Variants in MRTFB observed in about 807,000 individuals in gnomAD.
MRTFB encodes myocardin-related transcription factor B.
MRTFB carries 29 observed loss-of-function variants against 104.2 expected under a neutral mutation model. The observed-to-expected ratio is 0.28, with a 90% CI of 0.21 to 0.38. The LOEUF is 0.38. MRTFB is among the 10% of genes least tolerant of loss of function. The pLI, the probability that MRTFB is intolerant of heterozygous loss-of-function variation, is 1.00. For synonymous variants in MRTFB, 535 were observed against 519.5 expected (o/e 1.03, Z -0.41); for missense variants, 1,270 against 1,341.6 (o/e 0.95, Z 0.83).
chr16:14,261,433 C>T lies in MRTFB; in HGVS notation c.3289C>T (p.Pro1097Ser), dbSNP rs776764639. The T allele has an allele frequency of 6.3e-7, 1 of 1,598,276 alleles. No individual in the cohort carries two copies. Among genetic ancestry groups the T allele is most frequent in the African/African-American group, 1.3e-5 (1 of 74,600 alleles). The change falls in exon 17 of 17, where the codon CCA becomes TCA. Residue 1097 changes from proline to serine, a missense_variant. Physicochemically the swap from Pro to Ser is moderately conservative, Grantham distance 74 (BLOSUM62 -1). Coordinates refer to ENST00000571589, the MANE Select transcript of MRTFB (RefSeq NM_001308142.2). ...DFLDPQDLPL[P>S]WD Reference sequence around the variant, plus strand: ...TCTAGACCCACAGGACCTACCGCTGCCATGGGACTAACGTCACAGATTTCT... The same window carrying T: ...TCTAGACCCACAGGACCTACCGCTGTCATGGGACTAACGTCACAGATTTCT...
intron 2 of MRTFB, among the ~76,000 whole-genome samples, chr16:14,093,642 G>A (rs553624375): frequency 1.3e-5 from 2 of 152,208 alleles, no homozygotes; most frequent in Non-Finnish European, 2.9e-5. Context: ...TGTTCTTTCA[G>A]ATAAAGTTTG....
At chr16:13,997,057 T>C in the MRTFB span, among the ~76,000 whole-genome samples, 1 of 152,100 alleles carries the variant, frequency 6.6e-6, no homozygotes. Flanking sequence ...TCTACCTCAT[T>C]TGGGTAAAGG....
intron 3 of MRTFB, chr16:14,151,027 C>T (rs1205482928): frequency 1.3e-5 from 2 of 152,122 alleles, no homozygotes; most frequent in African/African-American, 2.4e-5. Context: ...ACTGCTCACG[C>T]GGAGATGATG....
At chr16:14,127,929 A>ATATTT (rs1393344981) in intron 2 of MRTFB, among the ~76,000 whole-genome samples, 17 of 44,624 alleles carry the variant, frequency 3.8e-4, no homozygotes, top group Non-Finnish European at 4.6e-4. Flanking sequence ...ATATATATAT[A>ATATTT]TTTTTTTTTT....
At chr16:14,245,737 A>G (rs761577173) in intron 11 of MRTFB, 77 bp downstream of exon 11, 719 of 1,495,102 alleles carry the variant, frequency 4.8e-4, no homozygotes, top group Non-Finnish European at 6.1e-4. Flanking sequence ...TGTCTAGCAG[A>G]CATTAAGTAG....
the MRTFB span, among the ~76,000 whole-genome samples, chr16:14,056,994 A>G: frequency 6.6e-6 from 1 of 152,032 alleles, no homozygotes. Flanking sequence ...CCTTCCTCTC[A>G]TCTTTTCTCC....
the MRTFB span, among the ~76,000 whole-genome samples, chr16:14,043,389 C>T: frequency 6.6e-6 from 1 of 151,958 alleles, no homozygotes; most frequent in East Asian, 1.9e-4. Context: ...GTGGTTAACA[C>T]TCCCCATTCA....
At chr16:14,240,905 G>C in intron 10 of MRTFB, 1 of 612,762 alleles carries the variant, frequency 1.6e-6, no homozygotes, top group Non-Finnish European at 2.9e-6. Flanking sequence ...GTATATAGAA[G>C]GCTCGAGAAG....
At chr16:14,012,073 T>G in the MRTFB span, among the ~76,000 whole-genome samples, 2 of 151,966 alleles carry the variant, frequency 1.3e-5, no homozygotes, top group African/African-American at 4.8e-5. Context: ...GATGACATCA[T>G]GGAGATGGCT....
chr16:14,153,133 C>A (rs942065534), intron 3 of MRTFB: 2 of 152,116 alleles, frequency 1.3e-5, no homozygotes, highest in Admixed American at 6.5e-5. Flanking sequence ...TAATAAATTG[C>A]TTAATTGGTC....
the MRTFB span, among the ~76,000 whole-genome samples, chr16:14,047,471 GGAGAAGGGCACTATAT>G: frequency 6.6e-6 from 1 of 152,190 alleles, no homozygotes; most frequent in Non-Finnish European, 1.5e-5. Context: ...TGGTCACTAA[GGAGAAGGGCACTATAT>G]TAGTCCGTTC....
chr16:14,217,630 G>T (rs148589810), intron 7 of MRTFB, among the ~76,000 whole-genome samples: 13 of 152,296 alleles, frequency 8.5e-5, no homozygotes, highest in Admixed American at 3.9e-4. Context: ...AGTCATACCA[G>T]TGCAAAATAG....
At chr16:14,183,326 T>C (rs75995832) in intron 3 of MRTFB, among the ~76,000 whole-genome samples, 15 of 152,228 alleles carry the variant, frequency 9.9e-5, no homozygotes, top group African/African-American at 3.4e-4. Context: ...CAAGGAAAGA[T>C]AAGTGAAGAA....
upstream of MRTFB, among the ~76,000 whole-genome samples, chr16:14,069,315 CA>C: frequency 6.7e-6 from 1 of 149,922 alleles, no homozygotes; most frequent in Non-Finnish European, 1.5e-5. Context: ...CAGTGGCTCC[CA>C]AGTTCTCAGG....
At chr16:14,211,960 GT>G (rs2041208230) in intron 4 of MRTFB, among the ~76,000 whole-genome samples, 1 of 152,134 alleles carries the variant, frequency 6.6e-6, no homozygotes, top group African/African-American at 2.4e-5. Flanking sequence ...ACAAAGTGCA[GT>G]GTGATGTTCA....
chr16:14,093,676 C>CT (rs936697756), intron 2 of MRTFB, among the ~76,000 whole-genome samples: 3 of 152,078 alleles, frequency 2.0e-5, no homozygotes, highest in African/African-American at 7.2e-5. Flanking sequence ...TAGACTAAAA[C>CT]TTTGTATATT....
chr16:14,191,319 A>C (rs1738050865), intron 3 of MRTFB, among the ~76,000 whole-genome samples: 1 of 152,210 alleles, frequency 6.6e-6, no homozygotes, highest in South Asian at 2.1e-4. Flanking sequence ...AACGCTACTC[A>C]GTGCTTTGCT....
At chr16:14,260,840 A>G (rs2043744484) in intron 16 of MRTFB, 69 bp from the exon 17 acceptor site, 3 of 1,297,372 alleles carry the variant, frequency 2.3e-6, no homozygotes, top group African/African-American at 1.5e-5. Context: ...TAACTGTCCT[A>G]GTAATTAATA....
At chr16:13,995,200 G>A in the MRTFB span, among the ~76,000 whole-genome samples, 7 of 152,168 alleles carry the variant, frequency 4.6e-5, no homozygotes, top group African/African-American at 1.7e-4. Context: ...CCATGGCCTT[G>A]GAGAAGCAAA....
Sources: gnomAD v4.1 joint callset for allele counts (sites outside exome capture counted in the v4.1 genomes callset) on GRCh38, gnomAD v4.1.1 for gene constraint, MANE v1.5 for transcripts, NCBI Gene and HGNC (gene_info 2026-07-23, HGNC 2026-07-21) for gene names.